LRRC71: variants seen among roughly 807,000 people sequenced by gnomAD.
LRRC71 encodes leucine rich repeat containing 71.
Under a neutral mutation model 66.6 loss-of-function variants are expected in LRRC71, and 54 were observed. That is an observed-to-expected ratio of 0.81 (90% CI 0.65 to 1.02). The LOEUF is 1.02. Among genes scored for constraint, LRRC71 ranks in the 50% least tolerant of loss-of-function variants. The pLI is 0.00. For synonymous variants in LRRC71, 323 were observed against 303.9 expected (o/e 1.06, Z -0.65); for missense variants, 724 against 718.0 (o/e 1.01, Z -0.10).
chr1:156,928,404 C>CTTCTTCCTCTTA (rs1489149621), intron 9 of LRRC71, among the ~76,000 whole-genome samples: 8 of 133,500 alleles, frequency 6.0e-5, no homozygotes, highest in African/African-American at 2.7e-4. Context: ...TCTTCTTCTT[C>CTTCTTCCTCTTA]TTCCTCTTAT....
chr1:156,924,248 G>A, intron 2 of LRRC71, 150 bp downstream of exon 2: 1 of 1,241,392 alleles, frequency 8.1e-7, no homozygotes, highest in South Asian at 1.5e-5. Context: ...AGGTGGGGGA[G>A]TCTCCCGTCT....
chr1:156,939,677 A>G, the LRRC71 span: 1 of 1,614,084 alleles, frequency 6.2e-7, no homozygotes, highest in South Asian at 1.1e-5. Flanking sequence ...TCCAGAGAAC[A>G]GAGACCCATG....
At chr1:156,924,897 G>T in intron 4 of LRRC71, 41 bp from the exon 5 acceptor site, 2 of 1,548,670 alleles carry the variant, frequency 1.3e-6, no homozygotes, top group Middle Eastern at 1.7e-4. Flanking sequence ...GTAGGAGGGG[G>T]CGCTCTAGCT....
Position 156,932,030 on chromosome 1 carries a change from A to G in LRRC71, c.1441+3A>G. On this transcript the variant is annotated splice_donor_region_variant and intron_variant, in intron 13 of 14. Coordinates refer to ENST00000337428, the MANE Select transcript of LRRC71 (RefSeq NM_144702.3). ...CCTTTTGCACCTCAACCTCATCCGTATGTCTGCCAACCTCCCCTGTCCTCC... is the reference window on the plus strand; with the variant it reads ...CCTTTTGCACCTCAACCTCATCCGTGTGTCTGCCAACCTCCCCTGTCCTCC... The G allele has an allele frequency of 6.3e-7, 1 of 1,581,826 alleles. No homozygotes were observed. Among genetic ancestry groups the G allele is most frequent in the East Asian group, 2.3e-5 (1 of 43,572 alleles).
intron 14 of LRRC71, 59 bp downstream of exon 14, chr1:156,932,604 T>A: frequency 1.9e-6 from 3 of 1,613,858 alleles, no homozygotes; most frequent in Middle Eastern, 1.6e-4. Flanking sequence ...GCTGTCATAC[T>A]AGACAGCTGC....
chr1:156,932,477 CAG>C lies in LRRC71; in HGVS notation c.1497_1498del (p.Gln499HisfsTer23), dbSNP rs1355131927. 1.2e-6 allele frequency: 2 copies of C among 1,613,938 alleles called. No homozygotes were observed. The highest frequency in any genetic ancestry group is 2.2e-5 in the South Asian group (2 of 91,074). ...LEGFLATVQY[Q>X]MQFSKAKSAS... Reference sequence around the variant, plus strand: ...GGGCTTCCTCGCCACGGTGCAGTATCAGATGCAGTTCTCCAAGGCCAAGAGTG... The same window carrying C: ...GGGCTTCCTCGCCACGGTGCAGTATCATGCAGTTCTCCAAGGCCAAGAGTG... On this transcript the variant is annotated frameshift_variant, in exon 14 of 15. Transcript: ENST00000337428. LOFTEE classifies it high-confidence loss of function.
Position 156,924,571 on chromosome 1 carries a change from A to T in LRRC71, c.439+19A>T. The T allele has an allele frequency of 1.0e-6, 1 of 958,864 alleles. No individual in the cohort carries two copies. Among genetic ancestry groups the T allele is most frequent in the Non-Finnish European group, 1.5e-6 (1 of 656,906 alleles). The allele number at this position is 958,864 out of a possible 1,614,324, so 59.4% of individuals were successfully genotyped here. On this transcript the variant is annotated intron_variant, in intron 3 of 14. Transcript: ENST00000337428. ...ATCCGCGGTGAGCCCCGCTCCCCCC[A>T]CCCGCCCCAGCTCCCTCCCGCTCCC...
chr1:156,932,601 T>C (rs374977566), intron 14 of LRRC71, 56 bp downstream of exon 14: 73 of 1,613,908 alleles, frequency 4.5e-5, no homozygotes, highest in Middle Eastern at 1.7e-4. Flanking sequence ...TCAGCTGTCA[T>C]ACTAGACAGC....
downstream of LRRC71, among the ~76,000 whole-genome samples, chr1:156,937,930 T>C (rs763451121): frequency 1.3e-5 from 2 of 152,062 alleles, no homozygotes; most frequent in Admixed American, 6.5e-5. Flanking sequence ...CATGCCACGA[T>C]CCTCTGGAGG....
chr1:156,930,839 CT>C (rs1429784927), intron 12 of LRRC71, among the ~76,000 whole-genome samples: 1 of 152,242 alleles, frequency 6.6e-6, no homozygotes, highest in Non-Finnish European at 1.5e-5. Flanking sequence ...CAGACCCCTT[CT>C]ATTTTTCCTT....
the LRRC71 span, chr1:156,939,938 C>T: frequency 1.8e-5 from 28 of 1,596,592 alleles, no homozygotes; most frequent in Non-Finnish European, 2.3e-5. Context: ...TGATGTCTTC[C>T]CAGCATGGGA....
Position 156,932,936 on chromosome 1 carries a change from C to T in LRRC71, c.1647C>T (p.Leu549=). Reference sequence around the variant, plus strand: ...CAAGGGATCCCATCAAGGCCAAACTCAGGGAGGATGAGGCCATGGCATTCT... The same window carrying T: ...CAAGGGATCCCATCAAGGCCAAACTTAGGGAGGATGAGGCCATGGCATTCT... ...MLPRDPIKAK[L]REDEAMAFFP is the part of the protein sequence containing the mutation. The change falls in exon 15 of 15, where the codon CTC becomes CTT. Residue 549 remains leucine (L), a synonymous_variant. Transcript: ENST00000337428. The T allele has an allele frequency of 6.3e-7, 1 of 1,593,606 alleles. No individual in the cohort carries two copies. The highest frequency in any genetic ancestry group is 8.5e-7 in the Non-Finnish European group (1 of 1,169,692).
chr1:156,927,757 C>A lies in LRRC71; in HGVS notation c.847C>A (p.Leu283Ile). The A allele has an allele frequency of 6.2e-7, 1 of 1,611,318 alleles. No homozygotes were observed. Among genetic ancestry groups the A allele is most frequent in the Non-Finnish European group, 8.5e-7 (1 of 1,179,752 alleles). The change falls in exon 8 of 15, where the codon CTC (leucine) becomes ATC (isoleucine). Residue 283 changes from leucine (L) to isoleucine (I), a missense_variant. Transcript: ENST00000337428. Reference sequence around the variant, plus strand: ...GGGCCTCCGGCTGAACCGTTCCCTGCTCTGGCTGTCCCTGGCCCACAACCG... The same window carrying A: ...GGGCCTCCGGCTGAACCGTTCCCTGATCTGGCTGTCCCTGGCCCACAACCG... ...ADGLRLNRSL[L>I]WLSLAHNRIQ...
intron 1 of LRRC71, among the ~76,000 whole-genome samples, chr1:156,922,797 A>G (rs1234893157): frequency 1.3e-5 from 2 of 152,122 alleles, no homozygotes; most frequent in Admixed American, 1.3e-4. Context: ...GGGCCCAGGA[A>G]ATTGTTTTAG....
intron 12 of LRRC71, 144 bp from the exon 13 acceptor site, chr1:156,931,772 A>G: frequency 1.5e-6 from 1 of 661,686 alleles, no homozygotes; most frequent in Non-Finnish European, 2.6e-6. Flanking sequence ...GTATGGGCTT[A>G]TTTATTTTTG....
At position 156,920,896 on chromosome 1, in the gene LRRC71, G is replaced by A; in HGVS notation, c.93G>A (p.Glu31=). The part of the protein sequence containing the change: ...KSSGAVTKKG[E]RAAKEKPATV... ...CTGGCGCGGTGACCAAAAAGGGAGA[G>A]CGCGCGGCCAAAGAGAAGCCAGCGA... The change falls in exon 1 of 15, where the codon GAG becomes GAA. Residue 31 remains glutamate, a synonymous_variant. Transcript: ENST00000337428. The surrounding 1 kb of genome is among the most constrained non-coding windows in gnomAD (Gnocchi z 4.9). 1 of 1,540,518 alleles carries A rather than the reference G, an allele frequency of 6.5e-7. No individual in the cohort carries two copies. Among genetic ancestry groups the A allele is most frequent in the Non-Finnish European group, 8.8e-7 (1 of 1,142,738 alleles).
At chr1:156,930,097 C>T (rs1211542503) in intron 11 of LRRC71, among the ~76,000 whole-genome samples, 5 of 30,708 alleles carry the variant, frequency 1.6e-4, no homozygotes, top group South Asian at 6.4e-3. Flanking sequence ...TTCTTTCTCT[C>T]TCTTTTTTTT....
chr1:156,924,302 G>T, intron 2 of LRRC71, 122 bp from the exon 3 acceptor site: 1 of 1,400,822 alleles, frequency 7.1e-7, no homozygotes, highest in Non-Finnish European at 9.5e-7. Flanking sequence ...GAGAGGCAGA[G>T]TCCGCAGGCC....
Position 156,928,001 on chromosome 1 carries a change from A to G in LRRC71, c.993A>G (p.Arg331=), listed in dbSNP as rs1571052539. The change falls in exon 9 of 15, where the codon CGA becomes CGG. Residue 331 remains arginine (R), a synonymous_variant. Transcript: ENST00000337428. ...LLEKGTQERS[R]SPSSSRHGDS... ...AAAAAGGGACACAGGAGCGCTCGCG[A>G]TCGGTGAGGAGCTACCAGGCCCCAG... is the stretch of plus-strand genomic sequence containing the variant. 1.6e-5 allele frequency: 26 copies of G among 1,595,816 alleles called. 1 individual carries two copies. In the East Asian group the frequency reaches 5.7e-4, roughly 35 times the overall value.
Sources: gnomAD v4.1 joint callset for allele counts (sites outside exome capture counted in the v4.1 genomes callset) on GRCh38, gnomAD v4.1.1 for gene constraint, Gnocchi (gnomAD v3.1) non-coding constraint, MANE v1.5 for transcripts, NCBI Gene and HGNC (gene_info 2026-07-23, HGNC 2026-07-21) for gene names.